Variants in COL3A1 observed in about 807,000 individuals in gnomAD.
COL3A1 encodes the protein collagen alpha-1(III) chain.
Under a neutral mutation model 200.9 loss-of-function variants are expected in COL3A1, and 46 were observed. That is an observed-to-expected ratio of 0.23 (90% CI 0.18 to 0.29). The LOEUF (loss-of-function observed/expected upper bound fraction) is 0.29, where lower values mean the gene tolerates loss of function less well. Among genes scored for constraint, COL3A1 ranks in the 10% least tolerant of loss-of-function variants. The pLI, the probability that COL3A1 is intolerant of heterozygous loss-of-function variation, is 1.00. For missense variants in COL3A1, 1,367 were observed against 1,917.6 expected, an observed-to-expected ratio of 0.71 and a Z score of 5.36; for synonymous variants, 650 against 628.0, an observed-to-expected ratio of 1.03 and a Z score of -0.52.
At chr2:189,009,312 A>G (rs1421468470) in intron 48 of COL3A1, 91 bp downstream of exon 48, 4 of 1,475,664 alleles carry the variant, frequency 2.7e-6, no homozygotes, top group Admixed American at 3.5e-5. Context: ...TCTACTTTCA[A>G]TGGAAAGCTG....
Position 189,008,922 on chromosome 2 carries a change from AG to A in COL3A1, c.3527del. On this transcript the variant is annotated splice_acceptor_variant, in intron 47 of 50. Coordinates refer to ENST00000304636, the MANE Select transcript of COL3A1 (RefSeq NM_000090.4). LOFTEE classifies it high-confidence loss of function. ...CAATGATCCATGTTTTACTCATTCT[AG>A]GGCTCCCCAGGCCACCCAGGGCAAC... is the stretch of plus-strand genomic sequence containing the variant. 6.2e-7 allele frequency: 1 copy of A among 1,613,642 alleles called. No homozygotes were observed. The highest frequency in any genetic ancestry group is 8.5e-7 in the Non-Finnish European group (1 of 1,179,966).
Position 189,007,945 on chromosome 2 carries a change from A to C in COL3A1, c.3417+7A>C. 1 of 1,614,182 alleles carries C rather than the reference A, an allele frequency of 6.2e-7. No homozygotes were observed. Among genetic ancestry groups the C allele is most frequent in the Non-Finnish European group, 8.5e-7 (1 of 1,180,028 alleles). On this transcript the variant is annotated splice_region_variant and intron_variant, in intron 46 of 50. Transcript: ENST00000304636. ...AGGACCTGCAGGCCCCAGAGTAAGT[A>C]GCACAGAAAGATATTACAGGTCCAC... is the stretch of plus-strand genomic sequence containing the variant.
chr2:188,994,176 G>A lies in COL3A1; in HGVS notation c.1195-58G>A. ...CAATAGATTTGTGATATTTAAGTGA[G>A]ATATTCATAAAAGAACATTCAAGTT... On this transcript the variant is annotated intron_variant, in intron 17 of 50. Transcript: ENST00000304636. The surrounding 1 kb of genome is among the most constrained non-coding windows in gnomAD (Gnocchi z 4.5). 6.2e-7 allele frequency: 1 copy of A among 1,610,724 alleles called. No individual in the cohort carries two copies. The highest frequency in any genetic ancestry group is 2.2e-5 in the East Asian group (1 of 44,850).
chr2:189,005,259 GT>G (rs1688559981), intron 40 of COL3A1, 90 bp from the exon 41 acceptor site: 11 of 1,211,478 alleles, frequency 9.1e-6, no homozygotes, highest in Non-Finnish European at 9.7e-6. Context: ...AATAAAATAA[GT>G]TTTTTACCTG....
chr2:189,004,024 G>C lies in COL3A1; in HGVS notation c.2704G>C (p.Asp902His). 6 of 1,612,974 alleles carry C rather than the reference G, an allele frequency of 3.7e-6. No individual in the cohort carries two copies. The highest frequency in any genetic ancestry group is 5.1e-6 in the Non-Finnish European group (6 of 1,179,830). The change falls in exon 39 of 51, where the codon GAT becomes CAT. Residue 902 changes from aspartate (D) to histidine (H), a missense_variant. Transcript: ENST00000304636. Reference protein sequence around the residue: ...PPGPSGSPGKDGPPGPAGNTG... With the variant: ...PPGPSGSPGKHGPPGPAGNTG... ...AGGTCCCAGCGGTTCTCCAGGCAAG[G>C]ATGGGCCCCCAGGTCCTGCGGGTAA...
chr2:189,001,698 G>A, intron 34 of COL3A1, 109 bp downstream of exon 34: 1 of 1,096,690 alleles, frequency 9.1e-7, no homozygotes, highest in Non-Finnish European at 1.4e-6. Flanking sequence ...CCTCAATTTG[G>A]AGATATTATC....
Position 189,001,719 on chromosome 2 carries a change from A to G in COL3A1, c.2391+130A>G, listed in dbSNP as rs150280060. The stretch of plus-strand genomic sequence containing the variant: ...TTTGGAGATATTATCTTCAAAAACC[A>G]TATAAGGAACCATATAGCATGCAAG... On this transcript the variant is annotated intron_variant, in intron 34 of 50. Transcript: ENST00000304636. 7.1e-3 allele frequency: 6,495 copies of G among 908,932 alleles called. 47 individuals are homozygous for G. The highest frequency in any genetic ancestry group is 0.012 in the Middle Eastern group (36 of 3,100). 56.3% of individuals were successfully genotyped at this position (908,932 alleles called of 1,614,324 possible).
chr2:189,011,318 A>G (rs908371924), intron 50 of COL3A1, among the ~76,000 whole-genome samples: 2 of 152,240 alleles, frequency 1.3e-5, no homozygotes, highest in African/African-American at 4.8e-5. Context: ...TGAGAGACCT[A>G]TCCTCTTTTT....
intron 8 of COL3A1, among the ~76,000 whole-genome samples, chr2:188,989,876 G>A (rs1688149387): frequency 6.6e-6 from 1 of 152,016 alleles, no homozygotes. Context: ...TGTTATTTCA[G>A]TGATTAGAAG....
intron 1 of COL3A1, among the ~76,000 whole-genome samples, chr2:188,984,192 G>C (rs1268542462): frequency 1.3e-5 from 2 of 151,890 alleles, no homozygotes; most frequent in African/African-American, 4.8e-5. Flanking sequence ...AGCTACTAAT[G>C]CCAAATAGAG....
chr2:188,987,996 C>A, intron 5 of COL3A1, 85 bp from the exon 6 acceptor site: 1 of 1,006,704 alleles, frequency 9.9e-7, no homozygotes, highest in Non-Finnish European at 1.6e-6. Flanking sequence ...ATAGTTTTAA[C>A]AATGCGAGTG....
At position 189,007,954 on chromosome 2, in the gene COL3A1, A is replaced by T; in HGVS notation, c.3417+16A>T. The stretch of plus-strand genomic sequence containing the variant: ...AGGCCCCAGAGTAAGTAGCACAGAA[A>T]GATATTACAGGTCCACATGTTTCAG... On this transcript the variant is annotated intron_variant, in intron 46 of 50. Coordinates refer to ENST00000304636, the MANE Select transcript of COL3A1 (RefSeq NM_000090.4). 6.2e-7 allele frequency: 1 copy of T among 1,614,156 alleles called. No homozygotes were observed. The highest frequency in any genetic ancestry group is 2.2e-5 in the East Asian group (1 of 44,876).
intron 5 of COL3A1, among the ~76,000 whole-genome samples, chr2:188,987,461 A>G (rs111266246): frequency 3.9e-5 from 6 of 152,178 alleles, no homozygotes; most frequent in African/African-American, 1.4e-4. Flanking sequence ...ATCAGTATTT[A>G]GAAACAGCAT....
intron 31 of COL3A1, 47 bp from the exon 32 acceptor site, chr2:188,999,795 T>G: frequency 6.4e-7 from 1 of 1,568,680 alleles, no homozygotes; most frequent in Non-Finnish European, 8.7e-7. Context: ...TGGCTGATTT[T>G]CACTGAAGAT....
chr2:189,007,968 C>G, intron 46 of COL3A1, 30 bp downstream of exon 46: 2 of 1,614,052 alleles, frequency 1.2e-6, no homozygotes, highest in Non-Finnish European at 1.7e-6. Context: ...ATTACAGGTC[C>G]ACATGTTTCA....
intron 35 of COL3A1, among the ~76,000 whole-genome samples, chr2:189,002,567 T>G (rs1010240236): frequency 1.3e-5 from 2 of 152,220 alleles, no homozygotes; most frequent in African/African-American, 4.8e-5. Flanking sequence ...GACTGGGTAA[T>G]GAACTAAAGC....
chr2:189,005,247 T>G (rs1688559749), intron 40 of COL3A1, 103 bp from the exon 41 acceptor site: 1 of 1,064,972 alleles, frequency 9.4e-7, no homozygotes, highest in Non-Finnish European at 1.4e-6. Context: ...CAATGAAGAT[T>G]AAATAAAATA....
chr2:188,998,247 C>A lies in COL3A1; in HGVS notation c.1924-19C>A. On this transcript the variant is annotated intron_variant, in intron 27 of 50. Transcript: ENST00000304636. Reference sequence around the variant, plus strand: ...CCATGTTTGAGGTAATTACCTAATACAAATATGATTCTTTCTAGGGCTTGC... The same window carrying A: ...CCATGTTTGAGGTAATTACCTAATAAAAATATGATTCTTTCTAGGGCTTGC... The A allele has an allele frequency of 6.2e-7, 1 of 1,610,274 alleles. No homozygotes were observed. Among genetic ancestry groups the A allele is most frequent in the Non-Finnish European group, 8.5e-7 (1 of 1,176,898 alleles).
chr2:188,999,574 C>T lies in COL3A1; in HGVS notation c.2226C>T (p.Asp742=), dbSNP rs764654163. 5 of 1,612,610 alleles carry T rather than the reference C, an allele frequency of 3.1e-6. No homozygotes were observed. In the African/African-American group the frequency reaches 4.0e-5, roughly 13 times the overall value. ...TTGGAAGTCCTGGTCCAAAGGGTGA[C>T]AAGGTGTTGACTTGTTTTCTCTTAA... ...GGLGSPGPKG[D]KGEPGGPGAD... The change falls in exon 31 of 51, where the codon GAC becomes GAT. Residue 742 remains aspartate, a synonymous_variant. Transcript: ENST00000304636.
Sources: allele counts gnomAD v4.1 joint callset (sites outside exome capture counted in the v4.1 genomes callset), GRCh38; gene constraint gnomAD v4.1.1; non-coding constraint Gnocchi (gnomAD v3.1); transcripts MANE v1.5; gene names NCBI Gene and HGNC (gene_info 2026-07-23, HGNC 2026-07-21).